The following EXOG variants were observed in gnomAD, a reference collection of about 807,000 sequenced individuals.
EXOG encodes the protein exo/endonuclease G, also known as nuclease EXOG, mitochondrial.
A neutral mutation model predicts 25.8 loss-of-function variants in EXOG; 27 were observed. That is an observed-to-expected ratio of 1.05 (90% CI 0.77 to 1.45). EXOG has a LOEUF of 1.45. Among genes scored for constraint, EXOG ranks in the 40% most tolerant of loss-of-function variants. EXOG has a pLI of 0.00. For missense variants in EXOG, 458 were observed against 450.5 expected (o/e 1.02, Z -0.15); for synonymous variants, 133 against 167.0 (o/e 0.80, Z 1.57).
chr3:38,509,347 C>T (rs980717533), intron 5 of EXOG, among the ~76,000 whole-genome samples: 4 of 152,164 alleles, frequency 2.6e-5, no homozygotes, highest in African/African-American at 9.7e-5. Flanking sequence ...AAGCATTTCA[C>T]TACATAGATT....
At chr3:38,501,930 A>G (rs749529750) in intron 3 of EXOG, among the ~76,000 whole-genome samples, 54 of 151,544 alleles carry the variant, frequency 3.6e-4, no homozygotes, top group Non-Finnish European at 5.8e-4. Context: ...TTGTTTGTTT[A>G]TTTATTTTTT....
intron 5 of EXOG, among the ~76,000 whole-genome samples, chr3:38,510,699 A>G (rs113015072): frequency 6.7e-6 from 1 of 149,952 alleles, no homozygotes; most frequent in Non-Finnish European, 1.5e-5. Context: ...TATTATATAG[A>G]TATTTAAATA....
Position 38,506,976 on chromosome 3 carries a change from T to C in EXOG, c.645+8T>C, listed in dbSNP as rs747396223. 4.0e-5 allele frequency: 45 copies of C among 1,120,556 alleles called. No individual in the cohort carries two copies. Among genetic ancestry groups the C allele is most frequent in the Non-Finnish European group, 5.9e-5 (43 of 732,756 alleles). 69.4% of individuals were successfully genotyped at this position (1,120,556 alleles called of 1,614,324 possible). ...AAAATAGTTAGTTACCAGGTAAGGA[T>C]GTTTAATAGTCAGGTTTATGTTATC... is the stretch of plus-strand genomic sequence containing the variant. On this transcript the variant is annotated splice_region_variant and intron_variant, in intron 5 of 5. Transcript: ENST00000287675.
intron 3 of EXOG, among the ~76,000 whole-genome samples, chr3:38,502,393 C>G (rs2060073677): frequency 6.6e-6 from 1 of 151,912 alleles, no homozygotes; most frequent in African/African-American, 2.4e-5. Context: ...TCATGCCTGG[C>G]TAATTTATTT....
Position 38,523,991 on chromosome 3 carries a change from C to G in EXOG, c.736C>G (p.Leu246Val). The change falls in exon 6 of 6, where the codon CTA becomes GTA. Residue 246 changes from leucine to valine, a missense_variant. Around this residue, in one of 3 missense-constraint regions of EXOG, gnomAD observed 178 missense variants for 203.7 expected, o/e 0.87. Transcript: ENST00000287675. ...CTCAGTATCTACCGAACCACTGGCGCTAGGGGCCTTTGTGGTACCCAATGA... is the reference window on the plus strand; with the variant it reads ...CTCAGTATCTACCGAACCACTGGCGGTAGGGGCCTTTGTGGTACCCAATGA... Reference protein sequence around the residue: ...RSSVSTEPLALGAFVVPNEAI... With the variant: ...RSSVSTEPLAVGAFVVPNEAI... The G allele has an allele frequency of 6.2e-7, 1 of 1,614,060 alleles. No individual in the cohort carries two copies. Among genetic ancestry groups the G allele is most frequent in the Non-Finnish European group, 8.5e-7 (1 of 1,179,952 alleles).
Position 38,497,626 on chromosome 3 carries a change from TA to T in EXOG, c.164-2del. 5 of 1,561,656 alleles carry T rather than the reference TA, an allele frequency of 3.2e-6. No individual in the cohort carries two copies. The highest frequency in any genetic ancestry group is 2.3e-5 in the East Asian group (1 of 43,750). On this transcript the variant is annotated splice_acceptor_variant, in intron 1 of 5. Coordinates refer to ENST00000287675, the MANE Select transcript of EXOG (RefSeq NM_005107.4). LOFTEE classifies it high-confidence loss of function. ...CCCCTTTTTTTTTTTTTTTCATTTT[TA>T]GGATCTGCAGAAAAGGCTGTCTTGG...
chr3:38,514,045 A>C (rs1421834988), intron 5 of EXOG, among the ~76,000 whole-genome samples: 1 of 152,242 alleles, frequency 6.6e-6, no homozygotes, highest in Non-Finnish European at 1.5e-5. Flanking sequence ...AGGTTGGCAC[A>C]TTCAAGGAGC....
chr3:38,516,486 C>A (rs1172911366), intron 5 of EXOG, among the ~76,000 whole-genome samples: 1 of 152,146 alleles, frequency 6.6e-6, no homozygotes, highest in African/African-American at 2.4e-5. Flanking sequence ...CATTTATGCT[C>A]CCCCATATAG....
chr3:38,521,816 G>T lies in EXOG; in HGVS notation c.646-2085G>T, dbSNP rs573566427. Among the ~76,000 whole-genome samples the T allele has an allele frequency of 7.9e-5, 12 of 152,288 alleles. 1 individual carries two copies. The East Asian group carries it at 1.7e-3, about 22-fold the overall frequency. On this transcript the variant is annotated intron_variant, in intron 5 of 5. Coordinates refer to ENST00000287675, the MANE Select transcript of EXOG (RefSeq NM_005107.4). The stretch of plus-strand genomic sequence containing the variant: ...AAGGTCTTGGTTCCCACTCTAGGTG[G>T]TAAGTTTCTTGAGTGGAGGCACCAG...
At chr3:38,521,979 A>G (rs2060730231) in intron 5 of EXOG, among the ~76,000 whole-genome samples, 1 of 152,188 alleles carries the variant, frequency 6.6e-6, no homozygotes, top group Non-Finnish European at 1.5e-5. Context: ...CTCCCTCAGT[A>G]TATTTTTGGC....
rs767742733 is a variant in EXOG at position 38,496,375 on chromosome 3, T to A, written c.8T>A (p.Ile3Asn). ...GCCGGTACCTCGGGCAAGATGGCTATCAAGAGTATCGCTTCCCGCCTCCGG... is the reference window on the plus strand; with the variant it reads ...GCCGGTACCTCGGGCAAGATGGCTAACAAGAGTATCGCTTCCCGCCTCCGG... MA[I>N]KSIASRLRGS... Residue 3 changes from isoleucine (I) to asparagine (N), a missense_variant, in exon 1 of 6, where the codon ATC (isoleucine) becomes AAC (asparagine). Ile to Asn is a moderately radical substitution (Grantham distance 149, BLOSUM62 -3). This residue lies in a region of EXOG where 275 missense variants were observed against 230.5 expected (regional missense o/e 1.19). Coordinates refer to ENST00000287675, the MANE Select transcript of EXOG (RefSeq NM_005107.4). The A allele has an allele frequency of 1.9e-6, 3 of 1,613,318 alleles. No individual in the cohort carries two copies. Among genetic ancestry groups the A allele is most frequent in the African/African-American group, 1.3e-5 (1 of 74,886 alleles).
intron 4 of EXOG, 109 bp from the exon 5 acceptor site, chr3:38,506,745 T>C: frequency 2.0e-6 from 1 of 504,972 alleles, no homozygotes; most frequent in Non-Finnish European, 3.5e-6. Flanking sequence ...CTTGTTTAAT[T>C]TCTCAAATGC....
intron 5 of EXOG, 43 bp downstream of exon 5, chr3:38,507,011 T>G: frequency 1.2e-6 from 1 of 831,144 alleles, no homozygotes. Context: ...CTGTATGAGA[T>G]TATAATCTCA....
At chr3:38,505,876 G>A (rs560779071) in intron 4 of EXOG, among the ~76,000 whole-genome samples, 7 of 151,726 alleles carry the variant, frequency 4.6e-5, no homozygotes, top group African/African-American at 1.7e-4. Flanking sequence ...TGAGGCAGGA[G>A]AATCGCTTAA....
At chr3:38,508,972 G>A (rs1017870455) in intron 5 of EXOG, among the ~76,000 whole-genome samples, 1 of 152,088 alleles carries the variant, frequency 6.6e-6, no homozygotes, top group African/African-American at 2.4e-5. Flanking sequence ...GGGAGTGAAG[G>A]AAGTCAAAGG....
At chr3:38,510,759 A>G (rs7630012) in intron 5 of EXOG, among the ~76,000 whole-genome samples, 88,567 of 151,330 alleles carry the variant, frequency 0.59, 28,746 homozygotes, top group African/African-American at 0.86. Flanking sequence ...TGATACTCAA[A>G]CATGTTCAAG....
chr3:38,498,867 C>A (rs903377678), intron 2 of EXOG: 2 of 455,482 alleles, frequency 4.4e-6, no homozygotes, highest in African/African-American at 2.0e-5. Context: ...GTCCTTATGT[C>A]TTGATAGGGT....
intron 5 of EXOG, among the ~76,000 whole-genome samples, chr3:38,516,628 C>T (rs967466100): frequency 6.6e-6 from 1 of 152,120 alleles, no homozygotes; most frequent in East Asian, 1.9e-4. Flanking sequence ...TATAGAAATA[C>T]TACCTAATAT....
intron 5 of EXOG, chr3:38,519,326 G>A (rs888954300): frequency 6.6e-6 from 1 of 152,182 alleles, no homozygotes; most frequent in African/African-American, 2.4e-5. Context: ...CCAGACAAGT[G>A]AAACATACCT....
Sources: allele counts gnomAD v4.1 joint callset (sites outside exome capture counted in the v4.1 genomes callset), GRCh38; gene constraint gnomAD v4.1.1; regional missense constraint gnomAD v4.1.1; transcripts MANE v1.5; gene names NCBI Gene and HGNC (gene_info 2026-07-23, HGNC 2026-07-21).